ATP13A3: variants seen among roughly 807,000 people sequenced by gnomAD.
ATP13A3 encodes the protein ATPase 13A3, also known as polyamine-transporting ATPase 13A3.
In ATP13A3, 59 loss-of-function variants were observed where a neutral mutation model predicts 158.1. That is an observed-to-expected ratio of 0.37 (90% confidence interval 0.30 to 0.46). ATP13A3 has a LOEUF of 0.46. ATP13A3 is among the 20% of genes least tolerant of loss of function. ATP13A3 has a pLI of 1.00. For synonymous variants in ATP13A3, 491 were observed against 504.3 expected (o/e 0.97, Z 0.35); for missense variants, 1,166 against 1,525.2 (o/e 0.76, Z 3.92).
intron 27 of ATP13A3, 112 bp downstream of exon 27, chr3:194,429,566 T>G: frequency 1.5e-6 from 1 of 670,982 alleles, no homozygotes; most frequent in South Asian, 2.8e-5. Context: ...TTATAGGTAC[T>G]ACTCACAGAA....
In ATP13A3 at chr3:194,459,822, C is replaced by T. The variant is rs1415907119; in HGVS notation, c.375G>A (p.Arg125=). 8 of 1,612,822 alleles carry T rather than the reference C, an allele frequency of 5.0e-6. No individual in the cohort carries two copies. Among genetic ancestry groups the T allele is most frequent in the East Asian group, 4.5e-5 (2 of 44,746 alleles). The part of the protein sequence containing the change: ...IENPTEENRH[R]ISKYSQTESQ... ...ATTCAGTCTGTGAATATTTACTGATCCTGTGCCTATTTTCTTCAGTGGGAT... is the reference window on the plus strand; with the variant it reads ...ATTCAGTCTGTGAATATTTACTGATTCTGTGCCTATTTTCTTCAGTGGGAT... Residue 125 remains arginine (R), a synonymous_variant, in exon 5 of 34, where the codon AGG becomes AGA. Transcript: ENST00000645319.
At chr3:194,424,296 C>A in intron 30 of ATP13A3, 2 of 150,762 alleles carry the variant, frequency 1.3e-5, no homozygotes, top group South Asian at 2.1e-4. Context: ...CAATATATAA[C>A]AATAAATAAG....
intron 31 of ATP13A3, among the ~76,000 whole-genome samples, chr3:194,415,883 C>T (rs1036167521): frequency 2.0e-5 from 3 of 152,112 alleles, no homozygotes; most frequent in African/African-American, 7.2e-5. Context: ...CAATGGAATA[C>T]TCATTTCACA....
In ATP13A3 at chr3:194,431,707, T is replaced by A; in HGVS notation, c.2421+10A>T. On this transcript the variant is annotated intron_variant, in intron 22 of 33. Coordinates refer to ENST00000645319, the MANE Select transcript of ATP13A3 (RefSeq NM_001367549.1). ...CAAACTTTAAAACGGACAGTCGATC[T>A]TGACCTTACCTCTGGGTCAATTGCT... The A allele has an allele frequency of 6.5e-7, 1 of 1,540,468 alleles. No individual in the cohort carries two copies. The highest frequency in any genetic ancestry group is 8.7e-7 in the Non-Finnish European group (1 of 1,145,156).
chr3:194,418,812 G>C (rs571972216), intron 31 of ATP13A3, among the ~76,000 whole-genome samples: 1 of 152,324 alleles, frequency 6.6e-6, no homozygotes, highest in Non-Finnish European at 1.5e-5. Flanking sequence ...GCCAAGGGTA[G>C]TAGTGGAAGG....
chr3:194,482,863 T>G (rs1203264941), intron 2 of ATP13A3, among the ~76,000 whole-genome samples: 1 of 152,012 alleles, frequency 6.6e-6, no homozygotes, highest in African/African-American at 2.4e-5. Flanking sequence ...ATCCCAGCAG[T>G]CTGGAAGGCC....
intron 32 of ATP13A3, among the ~76,000 whole-genome samples, chr3:194,413,457 G>T (rs1577025078): frequency 2.0e-5 from 3 of 152,038 alleles, no homozygotes; most frequent in Admixed American, 2.0e-4. Flanking sequence ...ACAATCACTG[G>T]TTCATCAGTT....
chr3:194,437,094 C>T lies in ATP13A3; in HGVS notation c.2120+1G>A. On this transcript the variant is annotated splice_donor_variant, in intron 20 of 33. Coordinates refer to ENST00000645319, the MANE Select transcript of ATP13A3 (RefSeq NM_001367549.1). LOFTEE classifies it high-confidence loss of function. ...AAACTAGGAAAGCCGTTCAACCTCA[C>T]CTGCTAATATTCTGTACTTTATGCC... 6.2e-7 allele frequency: 1 copy of T among 1,613,568 alleles called. No individual in the cohort carries two copies. Among genetic ancestry groups the T allele is most frequent in the Non-Finnish European group, 8.5e-7 (1 of 1,179,874 alleles).
At position 194,460,745 on chromosome 3, in the gene ATP13A3, G is replaced by C. The variant is rs754108264; in HGVS notation, c.138C>G (p.Leu46=). 8.1e-6 allele frequency: 13 copies of C among 1,613,990 alleles called. No homozygotes were observed. Among genetic ancestry groups the C allele is most frequent in the Non-Finnish European group, 1.1e-5 (13 of 1,180,004 alleles). Residue 46 remains leucine, a synonymous_variant, in exon 4 of 34, where the codon CTC becomes CTG. Transcript: ENST00000645319. ...CCCGCCACTCAGGCATCCAATAGAG[G>C]AGGAGGAGGAGAAACCCACCAGAGC... The part of the protein sequence containing the change: ...VICSGGFLLL[L]LYWMPEWRVK...
intron 2 of ATP13A3, chr3:194,467,755 A>T (rs1720081409): frequency 6.9e-6 from 1 of 144,048 alleles, no homozygotes; most frequent in Non-Finnish European, 1.5e-5. Flanking sequence ...CTGAGAGGAT[A>T]AAAAACCACA....
At chr3:194,428,999 T>G (rs1431090025) in intron 27 of ATP13A3, 82 bp from the exon 28 acceptor site, 1 of 931,118 alleles carries the variant, frequency 1.1e-6, no homozygotes, top group Admixed American at 3.0e-5. Flanking sequence ...TAGTTTGGAT[T>G]TTCCCTATAA....
chr3:194,437,570 G>A lies in ATP13A3; in HGVS notation c.1831C>T (p.Leu611=), dbSNP rs1560088821. Residue 611 remains leucine (L), a synonymous_variant, in exon 18 of 34, where the codon CTG becomes TTG. Transcript: ENST00000645319. ...TCTTCACTTACTGGAAGTTCAAACA[G>A]CTCCTAAAAACGAAACAAAACAAGA... ...STPAGNQEME[L]FELPATYEIG... 4 of 1,606,054 alleles carry A rather than the reference G, an allele frequency of 2.5e-6. No individual in the cohort carries two copies. In the East Asian group the frequency reaches 9.0e-5, roughly 36 times the overall value.
intron 11 of ATP13A3, among the ~76,000 whole-genome samples, chr3:194,449,628 G>T (rs146405791): frequency 6.6e-5 from 10 of 151,712 alleles, no homozygotes; most frequent in Non-Finnish European, 2.9e-5. Flanking sequence ...AGTGAGCCAA[G>T]ATCGCACCAC....
chr3:194,474,161 G>T (rs1011431754), intron 2 of ATP13A3, among the ~76,000 whole-genome samples: 1 of 152,130 alleles, frequency 6.6e-6, no homozygotes, highest in Non-Finnish European at 1.5e-5. Context: ...ACAAATAAAA[G>T]AGTTTTTCGG....
At chr3:194,466,921 C>T (rs1229693100) in intron 2 of ATP13A3, among the ~76,000 whole-genome samples, 2 of 152,188 alleles carry the variant, frequency 1.3e-5, no homozygotes, top group Non-Finnish European at 2.9e-5. Flanking sequence ...GCACAGAGGG[C>T]CACGAATATT....
chr3:194,407,973 A>C (rs1412612969), intron 33 of ATP13A3, among the ~76,000 whole-genome samples: 1 of 151,346 alleles, frequency 6.6e-6, no homozygotes, highest in Non-Finnish European at 1.5e-5. Flanking sequence ...TGTCAATCTA[A>C]TTGTGGGAAA....
intron 28 of ATP13A3, 146 bp from the exon 29 acceptor site, chr3:194,427,398 A>G (rs1716866190): frequency 1.2e-5 from 8 of 670,292 alleles, no homozygotes; most frequent in South Asian, 2.3e-5. Context: ...ACCAAGCCAC[A>G]TATCGTACAT....
upstream of ATP13A3, among the ~76,000 whole-genome samples, chr3:194,489,232 G>T (rs531741858): frequency 1.3e-5 from 2 of 152,034 alleles, no homozygotes; most frequent in African/African-American, 4.8e-5. This position sits in a 1 kb window ranked among gnomAD's most constrained non-coding sequence, Gnocchi z 4.1. Flanking sequence ...ATCACACGAG[G>T]TCAGGAGTTC....
chr3:194,475,461 T>A (rs2109037202), intron 2 of ATP13A3, among the ~76,000 whole-genome samples: 1 of 152,306 alleles, frequency 6.6e-6, no homozygotes, highest in South Asian at 2.1e-4. Context: ...GGTACTTGGG[T>A]CAACTTTAAG....
Sources: gnomAD v4.1 joint callset for allele counts (sites outside exome capture counted in the v4.1 genomes callset) on GRCh38, gnomAD v4.1.1 for gene constraint, Gnocchi (gnomAD v3.1) non-coding constraint, MANE v1.5 for transcripts, NCBI Gene and HGNC (gene_info 2026-07-23, HGNC 2026-07-21) for gene names.